Variants in GRM7 observed in about 807,000 individuals in gnomAD.
GRM7 encodes the protein metabotropic glutamate receptor 7.
In GRM7, 35 loss-of-function variants were observed where a neutral mutation model predicts 84.5. That is an observed-to-expected ratio of 0.41 (90% CI 0.32 to 0.55). GRM7 has a LOEUF of 0.55. Among genes scored for constraint, GRM7 ranks in the 20% least tolerant of loss-of-function variants. The pLI, the probability that GRM7 is intolerant of heterozygous loss-of-function variation, is 0.19. For synonymous variants in GRM7, 487 were observed against 455.1 expected (o/e 1.07, Z -0.89); for missense variants, 1,003 against 1,194.6 (o/e 0.84, Z 2.36).
intron 5 of GRM7, among the ~76,000 whole-genome samples, chr3:7,436,470 AT>A: frequency 7.1e-6 from 1 of 140,918 alleles, no homozygotes; most frequent in African/African-American, 2.6e-5. Flanking sequence ...ATAGAAAAAC[AT>A]GTCGTGGGCC....
intron 8 of GRM7, among the ~76,000 whole-genome samples, chr3:7,649,676 C>T (rs1283049041): frequency 1.3e-5 from 2 of 152,040 alleles, no homozygotes; most frequent in East Asian, 1.9e-4. Flanking sequence ...CTTTGTCTTT[C>T]GGCAGGGGAT....
At chr3:7,384,748 C>G (rs1196673133) in intron 4 of GRM7, among the ~76,000 whole-genome samples, 1 of 152,098 alleles carries the variant, frequency 6.6e-6, no homozygotes. Flanking sequence ...TCGAATACAG[C>G]AGGTGTACAC....
At chr3:6,876,133 C>T (rs927126193) in intron 1 of GRM7, among the ~76,000 whole-genome samples, 5 of 151,950 alleles carry the variant, frequency 3.3e-5, no homozygotes, top group Admixed American at 2.0e-4. Flanking sequence ...CCGGGCATGG[C>T]GGCGGGTACC....
Position 6,917,914 on chromosome 3 carries a change from G to T in GRM7, c.519+56007G>T, listed in dbSNP as rs149906052. 3.7e-3 allele frequency among the ~76,000 whole-genome samples: 561 copies of T among 152,202 alleles called. 7 individuals are homozygous for T. The highest frequency in any genetic ancestry group is 0.013 in the African/African-American group (524 of 41,538). ...CTATTCTTTACCTCTTCATTAAAGG[G>T]ATCAATTTGGAATTATTATTGCACC... On this transcript the variant is annotated intron_variant, in intron 1 of 9. Transcript: ENST00000357716.
intron 2 of GRM7, among the ~76,000 whole-genome samples, chr3:7,271,400 ATAC>A (rs1698849629): frequency 1.3e-5 from 2 of 151,866 alleles, no homozygotes; most frequent in South Asian, 4.2e-4. Context: ...TCTACTAAAA[ATAC>A]AAAAAATTAG....
intron 2 of GRM7, among the ~76,000 whole-genome samples, chr3:7,202,753 G>A (rs751318921): frequency 4.6e-5 from 7 of 151,984 alleles, no homozygotes; most frequent in Admixed American, 6.6e-5. Context: ...CTAGATCTTC[G>A]GAGCCAAAAT....
intron 8 of GRM7, among the ~76,000 whole-genome samples, chr3:7,603,797 T>C (rs897105495): frequency 5.3e-5 from 8 of 152,304 alleles, no homozygotes; most frequent in African/African-American, 1.9e-4. Context: ...AAAATGTTAA[T>C]ACATGTTTAA....
At chr3:7,473,408 C>G (rs932857785) in intron 7 of GRM7, among the ~76,000 whole-genome samples, 1 of 150,416 alleles carries the variant, frequency 6.6e-6, no homozygotes, top group African/African-American at 2.4e-5. Flanking sequence ...CCCAGGAGTT[C>G]GAGAAAGCAA....
chr3:7,321,748 A>T (rs1277619803), intron 4 of GRM7, among the ~76,000 whole-genome samples: 1 of 149,974 alleles, frequency 6.7e-6, no homozygotes, highest in African/African-American at 2.4e-5. Context: ...TTTCTGTCTG[A>T]TGTTTTAAAA....
intron 7 of GRM7, among the ~76,000 whole-genome samples, chr3:7,484,782 A>C (rs556076971): frequency 6.6e-6 from 1 of 152,316 alleles, no homozygotes; most frequent in South Asian, 2.1e-4. Flanking sequence ...CCTGGGATGC[A>C]TGCCCATGTG....
chr3:6,932,328 C>T (rs898848922), intron 1 of GRM7, among the ~76,000 whole-genome samples: 5 of 152,134 alleles, frequency 3.3e-5, no homozygotes, highest in African/African-American at 9.7e-5. Flanking sequence ...TGATATATCC[C>T]CATTTATTCT....
chr3:7,287,127 T>G (rs7640379), intron 2 of GRM7, among the ~76,000 whole-genome samples: 195 of 152,252 alleles, frequency 1.3e-3, no homozygotes, highest in African/African-American at 4.5e-3. Context: ...ATTTTCAGAA[T>G]AATTCTGCCA....
In GRM7 at chr3:7,680,241, G is replaced by C; in HGVS notation, c.2644G>C (p.Asp882His). ...MSSRLSHKPS[D>H]RPNGEAKTEL... is the part of the protein sequence containing the mutation. ...ATCGAGGCTGTCACACAAACCCAGT[G>C]ACAGACCCAACGGTGAGGCAAAGAC... is the stretch of plus-strand genomic sequence containing the variant. Residue 882 changes from aspartate to histidine, a missense_variant, in exon 9 of 10, where the codon GAC becomes CAC. Coordinates refer to ENST00000357716, the MANE Select transcript of GRM7 (RefSeq NM_000844.4). 1 of 1,614,136 alleles carries C rather than the reference G, an allele frequency of 6.2e-7. No individual in the cohort carries two copies. Among genetic ancestry groups the C allele is most frequent in the Non-Finnish European group, 8.5e-7 (1 of 1,179,976 alleles).
intron 1 of GRM7, among the ~76,000 whole-genome samples, chr3:7,079,388 A>G (rs549927942): frequency 5.3e-5 from 8 of 152,182 alleles, no homozygotes; most frequent in Non-Finnish European, 1.0e-4. Flanking sequence ...TAGAAGAATG[A>G]TACTTCAGAA....
At chr3:6,993,138 A>G (rs1694706792) in intron 1 of GRM7, among the ~76,000 whole-genome samples, 1 of 152,202 alleles carries the variant, frequency 6.6e-6, no homozygotes, top group South Asian at 2.1e-4. Context: ...AAGAATGAGA[A>G]CTGAGTGAAG....
At chr3:7,310,756 C>T (rs1030689117) in intron 4 of GRM7, among the ~76,000 whole-genome samples, 1 of 152,172 alleles carries the variant, frequency 6.6e-6, no homozygotes, top group Non-Finnish European at 1.5e-5. Context: ...GCCCAAACTA[C>T]TTGAAAATAT....
intron 7 of GRM7, among the ~76,000 whole-genome samples, chr3:7,539,617 G>C (rs187328800): frequency 6.7e-6 from 1 of 148,840 alleles, no homozygotes; most frequent in Non-Finnish European, 1.5e-5. Context: ...GGAGGTTGCA[G>C]TGAGTTGAGA....
intron 1 of GRM7, among the ~76,000 whole-genome samples, chr3:6,895,751 A>C (rs1696156119): frequency 6.6e-6 from 1 of 152,186 alleles, no homozygotes; most frequent in African/African-American, 2.4e-5. Context: ...TTTGAATTGT[A>C]AATACAAGAA....
At chr3:6,966,850 T>C (rs1295858308) in intron 1 of GRM7, among the ~76,000 whole-genome samples, 1 of 152,180 alleles carries the variant, frequency 6.6e-6, no homozygotes, top group Non-Finnish European at 1.5e-5. Flanking sequence ...TCTGGGAGTA[T>C]AAATCTTGGT....
Sources: allele counts gnomAD v4.1 joint callset (sites outside exome capture counted in the v4.1 genomes callset), GRCh38; gene constraint gnomAD v4.1.1; transcripts MANE v1.5; gene names NCBI Gene and HGNC (gene_info 2026-07-23, HGNC 2026-07-21).